FFAR1: variants seen among roughly 807,000 people sequenced by gnomAD.
FFAR1 encodes the protein free fatty acid receptor 1.
For synonymous variants in FFAR1, 216 were observed against 201.5 expected (o/e 1.07, Z -0.61); for missense variants, 424 against 396.2 (o/e 1.07, Z -0.60).
upstream of FFAR1, among the ~76,000 whole-genome samples, chr19:35,348,808 C>A (rs370199324): frequency 1.7e-3 from 260 of 152,284 alleles, 1 homozygote; most frequent in African/African-American, 6.2e-3. Flanking sequence ...AGTCGAGAGC[C>A]GCCAAGGGTT....
At chr19:35,352,613 A>C (rs2066950748) in exon 1 of FFAR1, 4 of 748,546 alleles carry the variant, frequency 5.3e-6, no homozygotes, top group African/African-American at 1.8e-5. Flanking sequence ...GCAGCACCCC[A>C]GTCAAGAGAG....
upstream of FFAR1, chr19:35,351,540 G>T: frequency 6.5e-7 from 1 of 1,538,976 alleles, no homozygotes. Context: ...TGCAGGCCAG[G>T]ACGGCGGCCC....
chr19:35,350,974 C>T (rs1391572687), upstream of FFAR1, among the ~76,000 whole-genome samples: 3 of 152,158 alleles, frequency 2.0e-5, no homozygotes, highest in African/African-American at 7.2e-5. Context: ...TTGGGCTCTC[C>T]CTGGGGGACC....
At chr19:35,351,599 T>G in exon 1 of FFAR1, 1 of 1,541,434 alleles carries the variant, frequency 6.5e-7, no homozygotes. Flanking sequence ...TGGCCGCCTT[T>G]GCGCTGGGCT....
exon 1 of FFAR1, chr19:35,351,871 G>A: frequency 6.2e-6 from 10 of 1,613,664 alleles, no homozygotes; most frequent in Non-Finnish European, 7.6e-6. Flanking sequence ...CGCTACCTGG[G>A]AGCAGCCTTC....
At chr19:35,353,730 G>A (rs1166601127) in exon 1 of FFAR1, 1 of 152,230 alleles carries the variant, frequency 6.6e-6, no homozygotes, top group African/African-American at 2.4e-5. Flanking sequence ...ATATCAAGCA[G>A]TTCAACCCTT....
upstream of FFAR1, among the ~76,000 whole-genome samples, chr19:35,348,459 CGTGG>C (rs2066930315): frequency 6.6e-6 from 1 of 152,130 alleles, no homozygotes; most frequent in Admixed American, 6.5e-5. Context: ...ATTAGCTGAG[CGTGG>C]TGATTCACAC....
upstream of FFAR1, among the ~76,000 whole-genome samples, chr19:35,350,781 C>A (rs772796794): frequency 6.6e-6 from 1 of 152,182 alleles, no homozygotes; most frequent in Non-Finnish European, 1.5e-5. Context: ...CCCGGGCATC[C>A]TCCATCAGCC....
At chr19:35,353,271 A>C (rs1397854173) in exon 1 of FFAR1, 1 of 152,260 alleles carries the variant, frequency 6.6e-6, no homozygotes, top group Non-Finnish European at 1.5e-5. Flanking sequence ...GCTCGAAGCC[A>C]GGAGTTCAAG....
chr19:35,352,315 G>A (rs1045143569), exon 1 of FFAR1: 9 of 1,552,214 alleles, frequency 5.8e-6, no homozygotes, highest in Non-Finnish European at 7.8e-6. Flanking sequence ...AATCTAGGAG[G>A]CTCCTGGCGG....
chr19:35,351,381 T>G (rs2066943443), upstream of FFAR1: 1 of 181,608 alleles, frequency 5.5e-6, no homozygotes, highest in Admixed American at 6.5e-5. Flanking sequence ...GACTGCTGCC[T>G]TTCTCTGTGG....
upstream of FFAR1, among the ~76,000 whole-genome samples, chr19:35,350,555 C>T (rs879292000): frequency 3.4e-4 from 51 of 152,166 alleles, no homozygotes; most frequent in African/African-American, 1.2e-3. Context: ...AAGCCCTGCT[C>T]TTGAGAGGCA....
chr19:35,353,288 C>T (rs902742094), exon 1 of FFAR1: 4 of 152,110 alleles, frequency 2.6e-5, no homozygotes, highest in Non-Finnish European at 5.9e-5. Context: ...CAAGAGCAGC[C>T]TGGGCAAGAT....
exon 1 of FFAR1, chr19:35,352,112 T>C (rs2066947904): frequency 6.2e-7 from 1 of 1,612,274 alleles, no homozygotes; most frequent in East Asian, 2.2e-5. Context: ...TCAGCCTCTC[T>C]CTCCTGCTCT....
upstream of FFAR1, among the ~76,000 whole-genome samples, chr19:35,350,910 G>A (rs1239195719): frequency 2.6e-5 from 4 of 152,188 alleles, no homozygotes; most frequent in African/African-American, 4.8e-5. Context: ...CTGCCCAGGT[G>A]GCCCCTGAGA....
In FFAR1 at chr19:35,352,893, G is replaced by A. The variant is rs571742586; in HGVS notation, c.*439G>A. ...GAGAACATTTGATTTCCGAGTAGGA[G>A]AGGAGGCAGGAGGCAGGATAATGAC... On this transcript the variant is annotated 3_prime_UTR_variant, in exon 1 of 1. Coordinates refer to ENST00000246553, the Ensembl canonical transcript of FFAR1. 24 of 212,714 alleles carry A rather than the reference G, an allele frequency of 1.1e-4. No individual in the cohort carries two copies. The South Asian group carries it at 1.7e-3, about 15-fold the overall frequency. The allele number at this position is 212,714 out of a possible 1,614,324, so 13.2% of individuals were successfully genotyped here.
chr19:35,352,716 C>T (rs2066951212), exon 1 of FFAR1: 1 of 547,186 alleles, frequency 1.8e-6, no homozygotes, highest in East Asian at 3.1e-5. Flanking sequence ...TCTTTCTCTC[C>T]CCTCTGCACG....
upstream of FFAR1, among the ~76,000 whole-genome samples, chr19:35,349,202 C>A (rs753947524): frequency 6.6e-6 from 1 of 152,180 alleles, no homozygotes; most frequent in Non-Finnish European, 1.5e-5. Flanking sequence ...GGCCGGCATT[C>A]TAGCTCAGGA....
chr19:35,349,086 TCA>T (rs1443284450), upstream of FFAR1, among the ~76,000 whole-genome samples: 2 of 152,158 alleles, frequency 1.3e-5, no homozygotes, highest in African/African-American at 4.8e-5. Context: ...ACCCCAGCTC[TCA>T]CAGTCCTCCC....
Sources: gnomAD v4.1 joint callset for allele counts (sites outside exome capture counted in the v4.1 genomes callset) on GRCh38, gnomAD v4.1.1 for gene constraint, MANE v1.5 for transcripts, NCBI Gene and HGNC (gene_info 2026-07-23, HGNC 2026-07-21) for gene names.